ZSWIM9: variants seen among roughly 807,000 people sequenced by gnomAD.
The protein encoded by ZSWIM9 is zinc finger SWIM-type containing 9.
A neutral mutation model predicts 25.0 loss-of-function variants in ZSWIM9; 11 were observed. The ratio of observed to expected loss-of-function variants is 0.44; its 90% CI spans 0.28 to 0.73. The LOEUF is 0.73. ZSWIM9 is among the 30% of genes least tolerant of loss of function. The pLI, the probability that ZSWIM9 is intolerant of heterozygous loss-of-function variation, is 0.16. For missense variants in ZSWIM9, 1,070 were observed against 1,296.5 expected (o/e 0.83, Z 2.68); for synonymous variants, 562 against 582.1 (o/e 0.97, Z 0.50).
chr19:48,185,950 T>C (rs766370624), intron 3 of ZSWIM9, among the ~76,000 whole-genome samples: 29 of 152,206 alleles, frequency 1.9e-4, no homozygotes, highest in South Asian at 8.3e-4. Flanking sequence ...TATGCCACTG[T>C]ACTCTGGCCT....
At chr19:48,177,728 G>A (rs972629554) in intron 2 of ZSWIM9, among the ~76,000 whole-genome samples, 1 of 152,152 alleles carries the variant, frequency 6.6e-6, no homozygotes, top group African/African-American at 2.4e-5. Flanking sequence ...AAAAGCCCAC[G>A]AATTATTCTA....
Position 48,194,968 on chromosome 19 carries a change from T to G in ZSWIM9, c.904T>G (p.Leu302Val). ...LTAGPEVAAQLPAVRQLLPCA... is the reference protein window; with the variant it reads ...LTAGPEVAAQVPAVRQLLPCA... The stretch of plus-strand genomic sequence containing the variant: ...CGCCGGGCCCGAGGTGGCGGCGCAG[T>G]TGCCTGCAGTGCGCCAGCTGCTGCC... The change falls in exon 4 of 4, where the codon TTG becomes GTG. Residue 302 changes from leucine (L) to valine (V), a missense_variant. Transcript: ENST00000614654. The surrounding 1 kb of genome is among the most constrained non-coding windows in gnomAD (Gnocchi z 6.0). 1 of 1,330,940 alleles carries G rather than the reference T, an allele frequency of 7.5e-7. No homozygotes were observed. The highest frequency in any genetic ancestry group is 1.6e-5 in the South Asian group (1 of 61,992). 82.4% of individuals were successfully genotyped at this position (1,330,940 alleles called of 1,614,324 possible).
At chr19:48,170,955 G>A (rs2036788747) in intron 1 of ZSWIM9, among the ~76,000 whole-genome samples, 1 of 152,106 alleles carries the variant, frequency 6.6e-6, no homozygotes, top group Non-Finnish European at 1.5e-5. Context: ...ATATTGCGGG[G>A]GATGGTGGAT....
rs1211190664 is a variant in ZSWIM9, at chr19:48,182,519, G to A, written c.340G>A (p.Val114Met). 1 of 1,535,894 alleles carries A rather than the reference G, an allele frequency of 6.5e-7. No homozygotes were observed. The highest frequency in any genetic ancestry group is 8.7e-7 in the Non-Finnish European group (1 of 1,146,758). The change falls in exon 3 of 4, where the codon GTG (valine) becomes ATG (methionine). Residue 114 changes from valine to methionine, a missense_variant. Physicochemically the swap from Val to Met is conservative, Grantham distance 21. Coordinates refer to ENST00000614654, the MANE Select transcript of ZSWIM9 (RefSeq NM_199341.4). The surrounding 1 kb of genome is among the most constrained non-coding windows in gnomAD (Gnocchi z 4.6). The stretch of plus-strand genomic sequence containing the variant: ...GCTGAGCCCGCTGCGGGACCGCCTC[G>A]TGGTGACGGAGTGCCAGCTGACCCA... Reference protein sequence around the residue: ...VKLSPLRDRLVVTECQLTHSH... With the variant: ...VKLSPLRDRLMVTECQLTHSH...
In ZSWIM9 at chr19:48,196,262, G is replaced by A. The variant is rs1449180674; in HGVS notation, c.2198G>A (p.Gly733Glu). ...TRVTGMENGD[G>E]GGARSVGPKS... ...GTCACAGGCATGGAGAATGGAGATG[G>A]AGGGGGAGCCCGGTCCGTGGGCCCC... Residue 733 changes from glycine (G) to glutamate (E), a missense_variant, in exon 4 of 4, where the codon GGA becomes GAA. Physicochemically the swap from Gly to Glu is moderately conservative, Grantham distance 98. This residue lies in a region of ZSWIM9 where 583 missense variants were observed against 624.7 expected (regional missense o/e 0.93). Transcript: ENST00000614654. The A allele has an allele frequency of 1.6e-6, 2 of 1,233,396 alleles. No individual in the cohort carries two copies. The highest frequency in any genetic ancestry group is 8.4e-5 in the Admixed American group (2 of 23,716). 76.4% of individuals were successfully genotyped at this position (1,233,396 alleles called of 1,614,324 possible). A position where few individuals can be genotyped will look rare whatever the true frequency, so the allele number is the denominator to read the frequency against.
In ZSWIM9 at chr19:48,196,934, C is replaced by G; in HGVS notation, c.*107C>G. 8.7e-7 allele frequency: 1 copy of G among 1,150,214 alleles called. No homozygotes were observed. Among genetic ancestry groups the G allele is most frequent in the Non-Finnish European group, 1.1e-6 (1 of 900,378 alleles). 71.3% of individuals were successfully genotyped at this position (1,150,214 alleles called of 1,614,324 possible). On this transcript the variant is annotated 3_prime_UTR_variant, in exon 4 of 4. Coordinates refer to ENST00000614654, the MANE Select transcript of ZSWIM9 (RefSeq NM_199341.4). ...AAGGAGACCGTTGCAGTCCCCCTGG[C>G]CACCTTCTGGGTCATCCAGGGACCT...
At position 48,179,939 on chromosome 19, in the gene ZSWIM9, A is replaced by G. The variant is rs544584592; in HGVS notation, c.276-2516A>G. On this transcript the variant is annotated intron_variant, in intron 2 of 3. Coordinates refer to ENST00000614654, the MANE Select transcript of ZSWIM9 (RefSeq NM_199341.4). ...GGCAGTGCTGTGTTCTGGAGGCTCT[A>G]AGGAGAATCTGCTTCCTTATCCTTC... Among the ~76,000 whole-genome samples the G allele has an allele frequency of 5.9e-5, 9 of 152,242 alleles. No individual in the cohort carries two copies. In the South Asian group the frequency reaches 1.9e-3, roughly 32 times the overall value.
At chr19:48,173,178 A>C (rs544444709) in intron 2 of ZSWIM9, among the ~76,000 whole-genome samples, 14 of 152,330 alleles carry the variant, frequency 9.2e-5, no homozygotes, top group African/African-American at 3.4e-4. Flanking sequence ...TTGACGTTAA[A>C]AGAACAAGCT....
chr19:48,187,429 T>TTTTATATATTATATATTAATTATA (rs1568579338), intron 3 of ZSWIM9, among the ~76,000 whole-genome samples: 1 of 104,010 alleles, frequency 9.6e-6, no homozygotes, highest in African/African-American at 3.7e-5. Flanking sequence ...ATATATTATA[T>TTTTATATATTATATATTAATTATA]TATATTATAT....
chr19:48,187,483 AT>A (rs2037033299), intron 3 of ZSWIM9, among the ~76,000 whole-genome samples: 1 of 56,416 alleles, frequency 1.8e-5, no homozygotes. Flanking sequence ...TATATATTAT[AT>A]ATTATATTAT....
chr19:48,172,073 G>A lies in ZSWIM9; in HGVS notation c.271G>A (p.Val91Met). The A allele has an allele frequency of 6.6e-7, 1 of 1,517,214 alleles. No homozygotes were observed. The highest frequency in any genetic ancestry group is 8.8e-7 in the Non-Finnish European group (1 of 1,133,432). 94.0% of individuals were successfully genotyped at this position (1,517,214 alleles called of 1,614,324 possible). A position where few individuals can be genotyped will look rare whatever the true frequency, so the allele number is the denominator to read the frequency against. The change falls in exon 2 of 4, where the codon GTG becomes ATG. Residue 91 changes from valine (V) to methionine (M), a missense_variant. Coordinates refer to ENST00000614654, the MANE Select transcript of ZSWIM9 (RefSeq NM_199341.4). ...CGTGCGTGCGCCCAGCCGGCCCGCC[G>A]TGGGGTGCGTGAACCTGAGCCGCTG... is the stretch of plus-strand genomic sequence containing the variant. The part of the protein sequence containing the change: ...KDVRAPSRPA[V>M]GPPQPGCPAF...
In ZSWIM9 at chr19:48,171,923, C is replaced by A. The variant is rs1467453965; in HGVS notation, c.121C>A (p.Arg41=). 2.6e-6 allele frequency: 4 copies of A among 1,535,734 alleles called. No homozygotes were observed. Among genetic ancestry groups the A allele is most frequent in the South Asian group, 2.4e-5 (2 of 84,054 alleles). ...SRFFDAWCQQ[R]LALFFVKSSM... is the part of the protein sequence containing the mutation. ...CTTCTTCGACGCGTGGTGCCAGCAG[C>A]GGCTGGCGCTCTTCTTCGTCAAGAG... The change falls in exon 2 of 4, where the codon CGG becomes AGG. Residue 41 remains arginine, a synonymous_variant. Transcript: ENST00000614654.
At position 48,179,743 on chromosome 19, in the gene ZSWIM9, G is replaced by A. The variant is rs114657379; in HGVS notation, c.276-2712G>A. Among the ~76,000 whole-genome samples, 1,308 of 152,330 alleles carry A rather than the reference G, an allele frequency of 8.6e-3. 21 individuals are homozygous for A. The highest frequency in any genetic ancestry group is 0.029 in the African/African-American group (1,212 of 41,582). ...TGAAACTGAACAGTTTTGAAAATCC[G>A]AGTGAAAAGCCAGCTGCAAAGGCAT... On this transcript the variant is annotated intron_variant, in intron 2 of 3. Transcript: ENST00000614654.
Position 48,197,541 on chromosome 19 carries a change from G to A in ZSWIM9, c.*714G>A, listed in dbSNP as rs1183911611. The A allele has an allele frequency of 2.6e-5, 13 of 495,682 alleles. No individual in the cohort carries two copies. The highest frequency in any genetic ancestry group is 4.7e-5 in the Non-Finnish European group (13 of 276,212). 30.7% of individuals were successfully genotyped at this position (495,682 alleles called of 1,614,324 possible). A position where few individuals can be genotyped will look rare whatever the true frequency, so the allele number is the denominator to read the frequency against. On this transcript the variant is annotated 3_prime_UTR_variant, in exon 4 of 4. Transcript: ENST00000614654. ...GAGAGAGGGAGGGCGGGCACTGGGG[G>A]TCAGGAGAGTCTCCAGCAGGGGAGG...
chr19:48,197,123 C>T lies in ZSWIM9; in HGVS notation c.*296C>T, dbSNP rs1365109472. 2 of 650,248 alleles carry T rather than the reference C, an allele frequency of 3.1e-6. No homozygotes were observed. Among genetic ancestry groups the T allele is most frequent in the Admixed American group, 4.7e-5 (2 of 42,388 alleles). The allele number at this position is 650,248 out of a possible 1,614,324, so 40.3% of individuals were successfully genotyped here. A position where few individuals can be genotyped will look rare whatever the true frequency, so the allele number is the denominator to read the frequency against. Reference sequence around the variant, plus strand: ...AGGTGTAGACAGGGTCAGGCTGGGACAGAAGGAAGGAAAGGGGCAGAGCTG... The same window carrying T: ...AGGTGTAGACAGGGTCAGGCTGGGATAGAAGGAAGGAAAGGGGCAGAGCTG... On this transcript the variant is annotated 3_prime_UTR_variant, in exon 4 of 4. Transcript: ENST00000614654.
intron 3 of ZSWIM9, among the ~76,000 whole-genome samples, chr19:48,188,610 G>A (rs1277096426): frequency 1.3e-5 from 2 of 152,162 alleles, no homozygotes; most frequent in African/African-American, 4.8e-5. Flanking sequence ...CTTGTGGCAG[G>A]CACCAGGGTA....
At chr19:48,189,672 T>C (rs2123381586) in intron 3 of ZSWIM9, 1 of 154,402 alleles carries the variant, frequency 6.5e-6, no homozygotes, top group East Asian at 1.9e-4. Context: ...CTGTACATAA[T>C]ATGCTGTATT....
At chr19:48,179,174 T>G (rs1412971968) in intron 2 of ZSWIM9, among the ~76,000 whole-genome samples, 1 of 152,138 alleles carries the variant, frequency 6.6e-6, no homozygotes, top group East Asian at 1.9e-4. Context: ...TTTATTTTCT[T>G]TTTTGAGACA....
rs1450900312 is a variant in ZSWIM9 at position 48,195,607 on chromosome 19, G to T, written c.1543G>T (p.Gly515Trp). 34 of 1,422,346 alleles carry T rather than the reference G, an allele frequency of 2.4e-5. No homozygotes were observed. The Admixed American group carries it at 9.9e-4, about 41-fold the overall frequency. 88.1% of individuals were successfully genotyped at this position (1,422,346 alleles called of 1,614,324 possible). Residue 515 changes from glycine (G) to tryptophan (W), a missense_variant, in exon 4 of 4, where the codon GGG becomes TGG. Physicochemically the swap from Gly to Trp is radical, Grantham distance 184. Coordinates refer to ENST00000614654, the MANE Select transcript of ZSWIM9 (RefSeq NM_199341.4). This position sits in a 1 kb window ranked among gnomAD's most constrained non-coding sequence, Gnocchi z 5.8. Reference sequence around the variant, plus strand: ...CGGGGCTCAGTTCGAAGGTGAGAAGGGGAGGGCACTGCAGATCAGAGATTG... The same window carrying T: ...CGGGGCTCAGTTCGAAGGTGAGAAGTGGAGGGCACTGCAGATCAGAGATTG... ...WGGAQFEGEKGRALQIRDWRG... is the reference protein window; with the variant it reads ...WGGAQFEGEKWRALQIRDWRG...
Sources: gnomAD v4.1 joint callset for allele counts (sites outside exome capture counted in the v4.1 genomes callset) on GRCh38, gnomAD v4.1.1 for gene constraint, gnomAD v4.1.1 regional missense constraint, Gnocchi (gnomAD v3.1) non-coding constraint, MANE v1.5 for transcripts, NCBI Gene and HGNC (gene_info 2026-07-23, HGNC 2026-07-21) for gene names.